MTMR3: variants seen among roughly 807,000 people sequenced by gnomAD.
MTMR3 encodes phosphatidylinositol-3,5-bisphosphate 3-phosphatase MTMR3.
A neutral mutation model predicts 132.4 loss-of-function variants in MTMR3; 32 were observed. The ratio of observed to expected loss-of-function variants is 0.24; its 90% CI spans 0.18 to 0.32. The LOEUF is 0.32. MTMR3 is among the 10% of genes least tolerant of loss of function. MTMR3 has a pLI of 1.00. For missense variants in MTMR3, 1,216 were observed against 1,489.6 expected (o/e 0.82, Z 3.02); for synonymous variants, 556 against 550.3 (o/e 1.01, Z -0.14).
intron 1 of MTMR3, among the ~76,000 whole-genome samples, chr22:29,887,025 A>G (rs1330959928): frequency 6.6e-6 from 1 of 152,088 alleles, no homozygotes; most frequent in Non-Finnish European, 1.5e-5. Context: ...TTGAACTAGA[A>G]CTCCCAGTAA....
chr22:29,983,374 AGCACAGTCTCG>A (rs530295047), intron 5 of MTMR3: 3 of 151,038 alleles, frequency 2.0e-5, no homozygotes, highest in Non-Finnish European at 4.4e-5. Flanking sequence ...GGAGTGCGTT[AGCACAGTCTCG>A]GCTCACTGCA....
chr22:29,950,085 T>G (rs1008677906), intron 1 of MTMR3, among the ~76,000 whole-genome samples: 12 of 152,152 alleles, frequency 7.9e-5, no homozygotes, highest in Middle Eastern at 3.2e-3. Flanking sequence ...AAGGTAGACC[T>G]TGGAAATAGT....
At chr22:30,012,315 T>G in intron 12 of MTMR3, 53 bp from the exon 13 acceptor site, 1 of 1,557,324 alleles carries the variant, frequency 6.4e-7, no homozygotes, top group Non-Finnish European at 8.8e-7. Flanking sequence ...TTGAGCATGA[T>G]GCAGTAAATC....
chr22:30,016,987 T>C lies in MTMR3; in HGVS notation c.1674+289T>C, dbSNP rs937085828. ...TGGCACTGCCTCCAGAGCTTATTTC[T>C]AGCATATTCTGTCTTACGGGAGAGG... is the stretch of plus-strand genomic sequence containing the variant. On this transcript the variant is annotated intron_variant, in intron 15 of 19. Transcript: ENST00000401950. The C allele has an allele frequency of 4.9e-5, 15 of 304,520 alleles. No individual in the cohort carries two copies. In the East Asian group the frequency reaches 1.0e-3, roughly 20 times the overall value. The allele number at this position is 304,520 out of a possible 1,614,324, so 18.9% of individuals were successfully genotyped here.
rs1470971061 is a variant in MTMR3, at chr22:30,007,566, T to G, written c.877+247T>G. On this transcript the variant is annotated intron_variant, in intron 10 of 19. Coordinates refer to ENST00000401950, the MANE Select transcript of MTMR3 (RefSeq NM_021090.4). ...TGCCATTGTGACAAAAATGGAGTGT[T>G]TATGTAATAGAGGACTTGCAGTATC... is the stretch of plus-strand genomic sequence containing the variant. 5.2e-6 allele frequency: 3 copies of G among 577,202 alleles called. No homozygotes were observed. The East Asian group carries it at 9.0e-5, about 17-fold the overall frequency. 35.8% of individuals were successfully genotyped at this position (577,202 alleles called of 1,614,324 possible).
Position 30,020,187 on chromosome 22 carries a change from A to T in MTMR3, c.2528A>T (p.Asp843Val). The change falls in exon 17 of 20, where the codon GAC becomes GTC. Residue 843 changes from aspartate to valine, a missense_variant. Asp to Val is a radical substitution (Grantham distance 152). Around this residue, in one of 7 missense-constraint regions of MTMR3, gnomAD observed 852 missense variants for 852.0 expected, o/e 1.00. Transcript: ENST00000401950. ...TTTGAGACCAGAGGACCAAACGTGG[A>T]CAGTTCTACAGACATGTTAGTGGAA... ...VPFETRGPNV[D>V]SSTDMLVEDK... is the part of the protein sequence containing the mutation. 1 of 1,614,216 alleles carries T rather than the reference A, an allele frequency of 6.2e-7. No individual in the cohort carries two copies. The highest frequency in any genetic ancestry group is 8.5e-7 in the Non-Finnish European group (1 of 1,180,028).
chr22:29,977,084 AGTTT>A (rs1201856255), intron 3 of MTMR3, among the ~76,000 whole-genome samples: 1 of 152,130 alleles, frequency 6.6e-6, no homozygotes, highest in Non-Finnish European at 1.5e-5. Flanking sequence ...TGAGCCCAGG[AGTTT>A]GAAACCAACC....
chr22:29,901,169 T>C (rs776896530), intron 1 of MTMR3, among the ~76,000 whole-genome samples: 2 of 151,988 alleles, frequency 1.3e-5, no homozygotes, highest in Non-Finnish European at 2.9e-5. Context: ...CTGGAAAAGA[T>C]TGATGTTAAT....
chr22:29,929,789 G>A (rs977048345), intron 1 of MTMR3, among the ~76,000 whole-genome samples: 1 of 152,164 alleles, frequency 6.6e-6, no homozygotes, highest in African/African-American at 2.4e-5. Context: ...TGGAATTACA[G>A]GCGTGAGCCA....
intron 1 of MTMR3, among the ~76,000 whole-genome samples, chr22:29,907,621 A>G (rs2065129064): frequency 1.3e-5 from 2 of 152,108 alleles, no homozygotes; most frequent in African/African-American, 4.8e-5. Context: ...AAATGTACCC[A>G]TTTGCATAAA....
intron 1 of MTMR3, among the ~76,000 whole-genome samples, chr22:29,899,870 G>T (rs1231461940): frequency 6.6e-6 from 1 of 152,168 alleles, no homozygotes; most frequent in Non-Finnish European, 1.5e-5. Flanking sequence ...TCATCGAGTA[G>T]TAGACTTAGG....
intron 1 of MTMR3, among the ~76,000 whole-genome samples, chr22:29,935,091 G>A (rs1343899964): frequency 1.3e-5 from 2 of 152,178 alleles, no homozygotes; most frequent in African/African-American, 4.8e-5. Flanking sequence ...CTTTTAAGTT[G>A]TACATTAGTT....
chr22:30,016,670 A>G lies in MTMR3; in HGVS notation c.1646A>G (p.Asn549Ser). The change falls in exon 15 of 20, where the codon AAC (asparagine) becomes AGC (serine). Residue 549 changes from asparagine to serine, a missense_variant. Physicochemically the swap from Asn to Ser is conservative, Grantham distance 46 (BLOSUM62 1). Coordinates refer to ENST00000401950, the MANE Select transcript of MTMR3 (RefSeq NM_021090.4). ...LLRAGNKAFK[N>S]LLYSSQSEAV... ...CGGGCAGGCAACAAGGCTTTCAAAA[A>G]CCTACTGTATTCCTCTCAGTCAGAA... The G allele has an allele frequency of 6.2e-7, 1 of 1,613,816 alleles. No homozygotes were observed. The highest frequency in any genetic ancestry group is 8.5e-7 in the Non-Finnish European group (1 of 1,179,892).
rs975132095 is a variant in MTMR3 at position 29,991,685 on chromosome 22, A to G, written c.460+15A>G. On this transcript the variant is annotated intron_variant, in intron 7 of 19. Transcript: ENST00000401950. ...GTGCAGACCAGGTACGCCTTTCTGAAATGTGCAAATGGCCAGGGGCTTTAT... is the reference window on the plus strand; with the variant it reads ...GTGCAGACCAGGTACGCCTTTCTGAGATGTGCAAATGGCCAGGGGCTTTAT... 2 of 1,569,926 alleles carry G rather than the reference A, an allele frequency of 1.3e-6. No homozygotes were observed. The highest frequency in any genetic ancestry group is 8.6e-7 in the Non-Finnish European group (1 of 1,158,990).
intron 1 of MTMR3, among the ~76,000 whole-genome samples, chr22:29,912,996 A>G (rs1301529738): frequency 6.6e-6 from 1 of 152,152 alleles, no homozygotes. Flanking sequence ...TAATCCCAGC[A>G]TTCTGGGAAG....
intron 2 of MTMR3, among the ~76,000 whole-genome samples, chr22:29,965,227 AAC>A (rs2066391530): frequency 6.6e-6 from 1 of 151,952 alleles, no homozygotes; most frequent in South Asian, 2.1e-4. Context: ...CATACTGTCT[AAC>A]ACATACTAGA....
intron 1 of MTMR3, among the ~76,000 whole-genome samples, chr22:29,892,041 T>C (rs2145706303): frequency 1.3e-5 from 2 of 152,010 alleles, no homozygotes; most frequent in Non-Finnish European, 2.9e-5. Context: ...TAGTTCCAGC[T>C]ACTTGGGAGG....
At chr22:29,993,102 C>A (rs1490844232) in intron 7 of MTMR3, 1 of 152,180 alleles carries the variant, frequency 6.6e-6, no homozygotes, top group Non-Finnish European at 1.5e-5. Flanking sequence ...AAGCACCTGC[C>A]CTCTTGGAGC....
chr22:29,889,903 A>C (rs1188021228), intron 1 of MTMR3, among the ~76,000 whole-genome samples: 1 of 116,650 alleles, frequency 8.6e-6, no homozygotes, highest in East Asian at 2.8e-4. Flanking sequence ...CCTTAGGATA[A>C]ATTCTTTTTT....
Sources: allele counts gnomAD v4.1 joint callset (sites outside exome capture counted in the v4.1 genomes callset), GRCh38; gene constraint gnomAD v4.1.1; regional missense constraint gnomAD v4.1.1; transcripts MANE v1.5; gene names NCBI Gene and HGNC (gene_info 2026-07-23, HGNC 2026-07-21).